PALM2AKAP2: variants seen among roughly 807,000 people sequenced by gnomAD.
The protein encoded by PALM2AKAP2 is PALM2-AKAP2 fusion protein.
Under a neutral mutation model 71.5 loss-of-function variants are expected in PALM2AKAP2, and 37 were observed. That is an observed-to-expected ratio of 0.52 (90% CI 0.40 to 0.68). PALM2AKAP2 has a LOEUF of 0.68. PALM2AKAP2 is among the 30% of genes least tolerant of loss of function. The probability of loss-of-function intolerance (pLI) is 0.00; values close to 1 mark genes in which losing one functional copy is unlikely to be tolerated. For missense variants in PALM2AKAP2, 1,224 were observed against 1,191.8 expected, an observed-to-expected ratio of 1.03 and a Z score of -0.40; for synonymous variants, 468 against 478.8, an observed-to-expected ratio of 0.98 and a Z score of 0.29.
chr9:109,968,701 G>T (rs1303007019), intron 6 of PALM2AKAP2, among the ~76,000 whole-genome samples: 1 of 152,208 alleles, frequency 6.6e-6, no homozygotes, highest in Non-Finnish European at 1.5e-5. Flanking sequence ...TCAATGCACA[G>T]GAATTGTGGG....
intron 6 of PALM2AKAP2, among the ~76,000 whole-genome samples, chr9:109,953,834 C>CAAAAAA (rs34719180): frequency 3.6e-3 from 172 of 48,044 alleles, no homozygotes; most frequent in East Asian, 9.5e-3. Flanking sequence ...GACTCCATCT[C>CAAAAAA]AAAAAAAAAA....
At chr9:110,087,728 C>T (rs1834606335) in intron 1 of PALM2AKAP2, among the ~76,000 whole-genome samples, 1 of 152,166 alleles carries the variant, frequency 6.6e-6, no homozygotes, top group South Asian at 2.1e-4. Flanking sequence ...ATTGACTCAA[C>T]AAATATTTAC....
At chr9:109,657,287 G>C (rs1407778440) in intron 1 of PALM2AKAP2, among the ~76,000 whole-genome samples, 1 of 152,188 alleles carries the variant, frequency 6.6e-6, no homozygotes. Context: ...CCTTTCATCT[G>C]GACCATGAAA....
At chr9:109,849,746 A>G (rs937610449) in intron 1 of PALM2AKAP2, among the ~76,000 whole-genome samples, 1 of 152,174 alleles carries the variant, frequency 6.6e-6, no homozygotes, top group Admixed American at 6.5e-5. Flanking sequence ...ACAAGTGTGA[A>G]ACTCTGTCTC....
intron 2 of PALM2AKAP2, among the ~76,000 whole-genome samples, chr9:109,879,067 T>C (rs1829783031): frequency 6.6e-6 from 1 of 152,200 alleles, no homozygotes; most frequent in South Asian, 2.1e-4. Flanking sequence ...GACTCATCAG[T>C]TCATAATAAA....
At chr9:109,986,424 C>T (rs1054784573) in intron 6 of PALM2AKAP2, among the ~76,000 whole-genome samples, 1 of 152,144 alleles carries the variant, frequency 6.6e-6, no homozygotes, top group East Asian at 1.9e-4. Flanking sequence ...CTATAAGCAC[C>T]TCCTATGAAA....
At chr9:110,071,779 T>G (rs1021490309) in intron 1 of PALM2AKAP2, among the ~76,000 whole-genome samples, 1 of 152,216 alleles carries the variant, frequency 6.6e-6, no homozygotes, top group Non-Finnish European at 1.5e-5. Context: ...TTAAGTAGTA[T>G]TATTGAGTGA....
At chr9:109,752,383 TG>T (rs1305474417) in intron 1 of PALM2AKAP2, among the ~76,000 whole-genome samples, 3 of 152,168 alleles carry the variant, frequency 2.0e-5, no homozygotes, top group Non-Finnish European at 2.9e-5. Context: ...GACTCAGGTC[TG>T]GGATGGGTCC....
intron 1 of PALM2AKAP2, among the ~76,000 whole-genome samples, chr9:109,815,518 G>A (rs1827830478): frequency 6.6e-6 from 1 of 152,124 alleles, no homozygotes; most frequent in Admixed American, 6.6e-5. Flanking sequence ...GAAGCAGAAG[G>A]GGAGTCAGGG....
intron 4 of PALM2AKAP2, 125 bp from the exon 5 acceptor site, chr9:109,924,936 C>T (rs551378122): frequency 1.3e-4 from 178 of 1,422,910 alleles, no homozygotes; most frequent in Non-Finnish European, 1.5e-4. Context: ...GTTGCGTTTC[C>T]CCAGCACAGT....
chr9:109,757,484 A>G (rs1344030758), intron 1 of PALM2AKAP2, among the ~76,000 whole-genome samples: 1 of 152,228 alleles, frequency 6.6e-6, no homozygotes. Context: ...TTGTGAAAAA[A>G]TCCAAAGGCA....
intron 1 of PALM2AKAP2, among the ~76,000 whole-genome samples, chr9:109,736,171 A>G (rs983490019): frequency 6.6e-6 from 1 of 152,208 alleles, no homozygotes; most frequent in Non-Finnish European, 1.5e-5. Context: ...TTGCGTTTGT[A>G]TATTTATATG....
intron 1 of PALM2AKAP2, among the ~76,000 whole-genome samples, chr9:110,109,014 CGTTG>C (rs1835178311): frequency 2.0e-5 from 3 of 151,788 alleles, no homozygotes; most frequent in African/African-American, 7.3e-5. Flanking sequence ...CAGGGTGGTA[CGTTG>C]TTAAAACTTC....
chr9:109,794,726 C>G (rs1217955318), intron 1 of PALM2AKAP2, among the ~76,000 whole-genome samples: 1 of 152,182 alleles, frequency 6.6e-6, no homozygotes, highest in African/African-American at 2.4e-5. Flanking sequence ...ATTTCTTACT[C>G]AAAAACACCA....
chr9:109,942,266 G>GT (rs1396665605), intron 6 of PALM2AKAP2, among the ~76,000 whole-genome samples: 43 of 152,262 alleles, frequency 2.8e-4, no homozygotes, highest in Non-Finnish European at 5.0e-4. Context: ...GATGAAAGAG[G>GT]TTTTTTCATT....
intron 1 of PALM2AKAP2, among the ~76,000 whole-genome samples, chr9:109,674,644 T>C (rs1827623368): frequency 6.6e-6 from 1 of 152,096 alleles, no homozygotes; most frequent in African/African-American, 2.4e-5. Context: ...AGTCCCTTTA[T>C]ATAGGTAATT....
intron 1 of PALM2AKAP2, among the ~76,000 whole-genome samples, chr9:109,759,517 A>G (rs1319433677): frequency 6.6e-6 from 1 of 152,150 alleles, no homozygotes; most frequent in Non-Finnish European, 1.5e-5. Flanking sequence ...CCTGTAACAA[A>G]TTTTGCAAGC....
At chr9:110,031,607 A>G (rs528020452) in intron 7 of PALM2AKAP2, among the ~76,000 whole-genome samples, 2 of 152,290 alleles carry the variant, frequency 1.3e-5, no homozygotes, top group African/African-American at 2.4e-5. Context: ...GGTGGGTACT[A>G]GGATATCTCC....
intron 1 of PALM2AKAP2, among the ~76,000 whole-genome samples, chr9:109,693,726 T>C (rs906629098): frequency 3.3e-5 from 5 of 152,110 alleles, no homozygotes; most frequent in African/African-American, 1.2e-4. Context: ...AAATATGTTG[T>C]TTAATTTTTA....
Sources: gnomAD v4.1 joint callset for allele counts (sites outside exome capture counted in the v4.1 genomes callset) on GRCh38, gnomAD v4.1.1 for gene constraint, MANE v1.5 for transcripts, NCBI Gene and HGNC (gene_info 2026-07-23, HGNC 2026-07-21) for gene names.